Variants in NRXN3 observed in about 807,000 individuals in gnomAD.
NRXN3 encodes the protein neurexin III.
NRXN3 carries 32 observed loss-of-function variants against 137.6 expected under a neutral mutation model. That is an observed-to-expected ratio of 0.23 (90% CI 0.18 to 0.31). NRXN3 has a LOEUF of 0.31. Ranked by LOEUF, NRXN3 falls within the 10% of genes least tolerant of loss-of-function variation. The pLI, the probability that NRXN3 is intolerant of heterozygous loss-of-function variation, is 1.00. For synonymous variants in NRXN3, 798 were observed against 784.5 expected (o/e 1.02, Z -0.29); for missense variants, 1,574 against 2,062.5 (o/e 0.76, Z 4.59).
intron 15 of NRXN3, among the ~76,000 whole-genome samples, chr14:79,119,119 A>G (rs1413821027): frequency 2.0e-5 from 3 of 152,310 alleles, no homozygotes; most frequent in African/African-American, 7.2e-5. Flanking sequence ...TTCAACTCCA[A>G]ATTTAGTATG....
At position 78,436,679 on chromosome 14, in the gene NRXN3, A is replaced by T. The variant is rs540843259; in HGVS notation, c.757+138819A>T. Among the ~76,000 whole-genome samples, 292 of 152,378 alleles carry T rather than the reference A, an allele frequency of 1.9e-3. 1 individual carries two copies. The highest frequency in any genetic ancestry group is 3.4e-3 in the Middle Eastern group (1 of 294). ...TTTAATTTTGATTTATTATATTTAA[A>T]TGTAGACAGGCACATGCGGCTAGTG... is the stretch of plus-strand genomic sequence containing the variant. On this transcript the variant is annotated intron_variant, in intron 4 of 20. Transcript: ENST00000335750.
At chr14:79,393,426 T>C (rs2153476610) in intron 15 of NRXN3, among the ~76,000 whole-genome samples, 1 of 152,350 alleles carries the variant, frequency 6.6e-6, no homozygotes, top group African/African-American at 2.4e-5. Flanking sequence ...TTTCTCCGAA[T>C]GAAGTTCACT....
chr14:79,379,483 C>T (rs528402869), intron 15 of NRXN3, among the ~76,000 whole-genome samples: 46 of 152,242 alleles, frequency 3.0e-4, no homozygotes, highest in African/African-American at 9.4e-4. Flanking sequence ...AATAACATAG[C>T]AGGTGCGTAG....
chr14:78,910,221 T>A (rs1406268887), intron 10 of NRXN3, among the ~76,000 whole-genome samples: 1 of 152,066 alleles, frequency 6.6e-6, no homozygotes, highest in Non-Finnish European at 1.5e-5. Context: ...AAGAGCTCAG[T>A]GACCGAGAGC....
intron 16 of NRXN3, among the ~76,000 whole-genome samples, chr14:79,600,133 G>A (rs2097906746): frequency 6.6e-6 from 1 of 152,252 alleles, no homozygotes; most frequent in South Asian, 2.1e-4. Flanking sequence ...AGGTGGAGGA[G>A]CTGAGGTTTG....
chr14:79,592,383 GTAATA>G (rs1258720222), intron 16 of NRXN3, among the ~76,000 whole-genome samples: 1 of 152,138 alleles, frequency 6.6e-6, no homozygotes, highest in Non-Finnish European at 1.5e-5. Context: ...TTTGTCTACT[GTAATA>G]AAATATTTCC....
intron 4 of NRXN3, among the ~76,000 whole-genome samples, chr14:78,612,388 G>A (rs1325022405): frequency 1.3e-5 from 2 of 152,188 alleles, no homozygotes; most frequent in Non-Finnish European, 2.9e-5. Context: ...AAAAATATAT[G>A]TGTACATCTG....
chr14:79,769,139 A>G (rs1280695916), intron 19 of NRXN3, among the ~76,000 whole-genome samples: 6 of 150,448 alleles, frequency 4.0e-5, no homozygotes, highest in Non-Finnish European at 5.9e-5. Context: ...GACCAAATCT[A>G]CGTCTGATTG....
At chr14:79,424,305 G>C (rs1208821938) in intron 15 of NRXN3, among the ~76,000 whole-genome samples, 1 of 152,002 alleles carries the variant, frequency 6.6e-6, no homozygotes, top group African/African-American at 2.4e-5. Flanking sequence ...ATTCTACAAA[G>C]AGCTAAAAGG....
intron 14 of NRXN3, among the ~76,000 whole-genome samples, chr14:78,984,770 C>T (rs1052520895): frequency 6.6e-5 from 10 of 152,100 alleles, no homozygotes; most frequent in Non-Finnish European, 1.5e-4. Flanking sequence ...GGTTTAGGAG[C>T]AACACTCTGG....
At chr14:79,721,838 T>A (rs984459749) in intron 19 of NRXN3, among the ~76,000 whole-genome samples, 1 of 151,974 alleles carries the variant, frequency 6.6e-6, no homozygotes, top group African/African-American at 2.4e-5. Flanking sequence ...AGAGGTAGGG[T>A]GTGGTAGCAT....
intron 8 of NRXN3, among the ~76,000 whole-genome samples, chr14:78,742,709 C>T (rs1239342412): frequency 6.6e-6 from 1 of 152,048 alleles, no homozygotes; most frequent in East Asian, 1.9e-4. Flanking sequence ...TAATGAAAGC[C>T]TATTTTAACT....
intron 8 of NRXN3, among the ~76,000 whole-genome samples, chr14:78,726,264 A>C (rs2098482900): frequency 1.3e-5 from 2 of 152,196 alleles, no homozygotes; most frequent in Middle Eastern, 3.4e-3. Flanking sequence ...ATAGGTATAC[A>C]TGTGCCATGG....
At chr14:79,361,975 C>T (rs532743761) in intron 15 of NRXN3, among the ~76,000 whole-genome samples, 4 of 147,038 alleles carry the variant, frequency 2.7e-5, no homozygotes, top group African/African-American at 9.9e-5. Flanking sequence ...GTATCTTTTA[C>T]GCTATTCATT....
intron 15 of NRXN3, among the ~76,000 whole-genome samples, chr14:79,217,527 A>G (rs1385527883): frequency 6.6e-6 from 1 of 152,224 alleles, no homozygotes; most frequent in East Asian, 1.9e-4. Flanking sequence ...ATCAAATATC[A>G]TAGAAGAAAA....
chr14:78,454,795 C>G (rs1342334695), intron 4 of NRXN3, among the ~76,000 whole-genome samples: 1 of 152,074 alleles, frequency 6.6e-6, no homozygotes, highest in African/African-American at 2.4e-5. Flanking sequence ...GCAGAGGGAA[C>G]AGGATATGTA....
At chr14:79,214,861 G>A (rs1242972367) in intron 15 of NRXN3, among the ~76,000 whole-genome samples, 3 of 152,074 alleles carry the variant, frequency 2.0e-5, no homozygotes, top group Non-Finnish European at 4.4e-5. Flanking sequence ...TCATTTCTTT[G>A]AACTTTCCAT....
intron 10 of NRXN3, among the ~76,000 whole-genome samples, chr14:78,895,975 T>G (rs2099173085): frequency 6.6e-6 from 1 of 151,830 alleles, no homozygotes. Flanking sequence ...AAGATCACCA[T>G]CTCAGATATA....
chr14:79,616,211 C>T, intron 16 of NRXN3, among the ~76,000 whole-genome samples: 1 of 152,194 alleles, frequency 6.6e-6, no homozygotes, highest in East Asian at 1.9e-4. Flanking sequence ...GGAAAGTTGG[C>T]TACATGGCTT....
Sources: gnomAD v4.1 joint callset for allele counts (sites outside exome capture counted in the v4.1 genomes callset) on GRCh38, gnomAD v4.1.1 for gene constraint, MANE v1.5 for transcripts, NCBI Gene and HGNC (gene_info 2026-07-23, HGNC 2026-07-21) for gene names.